Variants in INPP5A observed in about 807,000 individuals in gnomAD.
The protein encoded by INPP5A is inositol polyphosphate-5-phosphatase A.
Under a neutral mutation model 65.2 loss-of-function variants are expected in INPP5A, and 14 were observed. That is an observed-to-expected ratio of 0.21 (90% CI 0.14 to 0.34). The LOEUF is 0.34. Ranked by LOEUF, INPP5A falls within the 10% of genes least tolerant of loss-of-function variation. INPP5A has a pLI of 1.00. For missense variants in INPP5A, 431 were observed against 545.6 expected (o/e 0.79, Z 2.09); for synonymous variants, 207 against 208.3 (o/e 0.99, Z 0.05).
chr10:132,652,751 G>A lies in INPP5A; in HGVS notation c.306+2246G>A, dbSNP rs1442324848. 4.6e-5 allele frequency among the ~76,000 whole-genome samples: 7 copies of A among 152,342 alleles called. No individual in the cohort carries two copies. In the East Asian group the frequency reaches 5.8e-4, roughly 13 times the overall value. On this transcript the variant is annotated intron_variant, in intron 4 of 15. Transcript: ENST00000368594. ...GGAGGATGTACCTTGTAAAACAGTC[G>A]TTAGAAGAAAGTAGGAGTGGCTGTC...
chr10:132,735,829 AC>A lies in INPP5A; in HGVS notation c.732+8925del, dbSNP rs565215395. Among the ~76,000 whole-genome samples, 11 of 152,296 alleles carry A rather than the reference AC, an allele frequency of 7.2e-5. No individual in the cohort carries two copies. In the South Asian group the frequency reaches 2.3e-3, roughly 32 times the overall value. On this transcript the variant is annotated intron_variant, in intron 9 of 15. Coordinates refer to ENST00000368594, the MANE Select transcript of INPP5A (RefSeq NM_005539.5). Reference sequence around the variant, plus strand: ...GTTCAGGGGCAGGGTGTCTGGGAGGACGACCAGCTTGGTGGCCCTGGAGGCT... The same window carrying A: ...GTTCAGGGGCAGGGTGTCTGGGAGGAGACCAGCTTGGTGGCCCTGGAGGCT...
At chr10:132,763,692 A>G (rs1188614562) in intron 11 of INPP5A, among the ~76,000 whole-genome samples, 1 of 149,452 alleles carries the variant, frequency 6.7e-6, no homozygotes, top group African/African-American at 2.5e-5. Flanking sequence ...CCTGCATGCA[A>G]ACACACACAT....
At chr10:132,553,246 G>A (rs894939898) in intron 1 of INPP5A, among the ~76,000 whole-genome samples, 3 of 109,106 alleles carry the variant, frequency 2.7e-5, no homozygotes, top group Non-Finnish European at 5.8e-5. Flanking sequence ...TATTGGGTAG[G>A]ATAGGGAGGG....
In INPP5A at chr10:132,627,496, G is replaced by A. The variant is rs1177241335; in HGVS notation, c.118-18372G>A. On this transcript the variant is annotated intron_variant, in intron 2 of 15. Transcript: ENST00000368594. The surrounding 1 kb of genome is among the most constrained non-coding windows in gnomAD (Gnocchi z 6.6). Reference sequence around the variant, plus strand: ...CGCGGTGGCTGCCTCGTCCAGCAGCGTCCCTGCCAGAAGTGGGTGCTTTGA... The same window carrying A: ...CGCGGTGGCTGCCTCGTCCAGCAGCATCCCTGCCAGAAGTGGGTGCTTTGA... 4.6e-5 allele frequency among the ~76,000 whole-genome samples: 7 copies of A among 152,280 alleles called. No individual in the cohort carries two copies. The highest frequency in any genetic ancestry group is 1.9e-4 in the East Asian group (1 of 5,172).
At chr10:132,592,650 G>A (rs2814451) in intron 1 of INPP5A, among the ~76,000 whole-genome samples, 37,480 of 152,194 alleles carry the variant, frequency 0.25, 5,473 homozygotes, top group East Asian at 0.5. Context: ...CAGGTGATCC[G>A]CCCGCCTTGG....
At position 132,547,986 on chromosome 10, in the gene INPP5A, G is replaced by A. The variant is rs573556599; in HGVS notation, c.75+9815G>A. Among the ~76,000 whole-genome samples the A allele has an allele frequency of 2.9e-3, 434 of 151,716 alleles. 2 individuals are homozygous for A. Among genetic ancestry groups the A allele is most frequent in the African/African-American group, 1.0e-2 (412 of 41,346 alleles). On this transcript the variant is annotated intron_variant, in intron 1 of 15. Coordinates refer to ENST00000368594, the MANE Select transcript of INPP5A (RefSeq NM_005539.5). This position sits in a 1 kb window ranked among gnomAD's most constrained non-coding sequence, Gnocchi z 5.5. ...GTGATCTCACCTCACTGCGACCTCC[G>A]CCTCCCAGGTTCAAGCAGTTCTCCT...
rs530146726 is a variant in INPP5A, at chr10:132,674,891, C to T, written c.307-15501C>T. The stretch of plus-strand genomic sequence containing the variant: ...CTCACTCCAAAATCCTAGAGGCCTC[C>T]GCTGTGATTCACCTATGGGGACCTG... On this transcript the variant is annotated intron_variant, in intron 4 of 15. Transcript: ENST00000368594. This position sits in a 1 kb window ranked among gnomAD's most constrained non-coding sequence, Gnocchi z 4.4. Among the ~76,000 whole-genome samples the T allele has an allele frequency of 6.2e-4, 94 of 152,298 alleles. No individual in the cohort carries two copies. Among genetic ancestry groups the T allele is most frequent in the African/African-American group, 1.0e-3 (42 of 41,564 alleles).
chr10:132,557,250 C>T (rs1432657796), intron 1 of INPP5A, among the ~76,000 whole-genome samples: 1 of 152,242 alleles, frequency 6.6e-6, no homozygotes, highest in East Asian at 1.9e-4. Context: ...GCACCCTCGC[C>T]CGGGGCCACT....
intron 5 of INPP5A, among the ~76,000 whole-genome samples, chr10:132,695,859 G>A (rs1313988044): frequency 6.6e-6 from 1 of 152,180 alleles, no homozygotes; most frequent in East Asian, 1.9e-4. Flanking sequence ...TAGATAAATG[G>A]AGAGAGATTT....
At chr10:132,586,440 C>T (rs545891479) in intron 1 of INPP5A, among the ~76,000 whole-genome samples, 2 of 152,226 alleles carry the variant, frequency 1.3e-5, no homozygotes, top group Non-Finnish European at 2.9e-5. Context: ...CACAGAGTGC[C>T]GCATGGCTGG....
chr10:132,753,168 G>T lies in INPP5A; in HGVS notation c.903+3323G>T, dbSNP rs1253324769. ...GGTTCCTGCTGACCCGGGTGCCCTC[G>T]CACTTGCCCGAGGTGCCGGCATGCC... is the stretch of plus-strand genomic sequence containing the variant. On this transcript the variant is annotated intron_variant, in intron 11 of 15. Transcript: ENST00000368594. This position sits in a 1 kb window ranked among gnomAD's most constrained non-coding sequence, Gnocchi z 5.3. 6.6e-6 allele frequency among the ~76,000 whole-genome samples: 1 copy of T among 152,124 alleles called. No individual in the cohort carries two copies. Among genetic ancestry groups the T allele is most frequent in the South Asian group, 2.1e-4 (1 of 4,824 alleles).
At chr10:132,757,438 C>G (rs185806085) in intron 11 of INPP5A, among the ~76,000 whole-genome samples, 1 of 152,270 alleles carries the variant, frequency 6.6e-6, no homozygotes, top group African/African-American at 2.4e-5. Context: ...CAGTGTGTTA[C>G]GCCACCTGCG....
In INPP5A at chr10:132,651,879, C is replaced by T. The variant is rs562798214; in HGVS notation, c.306+1374C>T. Among the ~76,000 whole-genome samples, 121 of 152,332 alleles carry T rather than the reference C, an allele frequency of 7.9e-4. No homozygotes were observed. Among genetic ancestry groups the T allele is most frequent in the Admixed American group, 4.7e-3 (72 of 15,312 alleles). ...AATCCCCCGTTCGGTCTCCGACCCT[C>T]GCCCTGTCAAGCAGCTGCCCACACA... is the stretch of plus-strand genomic sequence containing the variant. On this transcript the variant is annotated intron_variant, in intron 4 of 15. Transcript: ENST00000368594. This position sits in a 1 kb window ranked among gnomAD's most constrained non-coding sequence, Gnocchi z 5.0.
intron 2 of INPP5A, among the ~76,000 whole-genome samples, chr10:132,617,963 C>T (rs1045225718): frequency 3.9e-5 from 6 of 152,156 alleles, no homozygotes; most frequent in African/African-American, 1.4e-4. Context: ...TATATGCTGT[C>T]TATCTTAATA....
chr10:132,601,537 G>C (rs531433251), intron 1 of INPP5A, among the ~76,000 whole-genome samples: 39 of 152,308 alleles, frequency 2.6e-4, no homozygotes, highest in Non-Finnish European at 4.9e-4. Context: ...TTTGTTGCCT[G>C]TGCTTTGGAT....
intron 8 of INPP5A, among the ~76,000 whole-genome samples, chr10:132,716,073 T>C (rs1038715367): frequency 1.3e-5 from 2 of 152,240 alleles, no homozygotes; most frequent in African/African-American, 4.8e-5. Context: ...GGCTGCGATC[T>C]TCATTTTGTT....
At chr10:132,655,220 C>T (rs1016921735) in intron 4 of INPP5A, among the ~76,000 whole-genome samples, 4 of 152,236 alleles carry the variant, frequency 2.6e-5, no homozygotes, top group Non-Finnish European at 5.9e-5. Context: ...GCGCCTTTGT[C>T]AGAGCCCTTG....
chr10:132,747,105 G>C (rs1477509499), intron 9 of INPP5A, among the ~76,000 whole-genome samples: 1 of 152,194 alleles, frequency 6.6e-6, no homozygotes, highest in African/African-American at 2.4e-5. Context: ...AATTTCCTGA[G>C]CCGCGTCCTG....
At chr10:132,611,549 A>T (rs1265609923) in intron 2 of INPP5A, among the ~76,000 whole-genome samples, 13 of 99,950 alleles carry the variant, frequency 1.3e-4, no homozygotes, top group South Asian at 7.9e-4. Flanking sequence ...GGGGAGGGTG[A>T]GGGAGGTGAG....
Sources: allele counts gnomAD v4.1 joint callset (sites outside exome capture counted in the v4.1 genomes callset), GRCh38; gene constraint gnomAD v4.1.1; non-coding constraint Gnocchi (gnomAD v3.1); transcripts MANE v1.5; gene names NCBI Gene and HGNC (gene_info 2026-07-23, HGNC 2026-07-21).